PARD3B: variants seen among roughly 807,000 people sequenced by gnomAD.
PARD3B encodes the protein partitioning defective 3 homolog B.
A neutral mutation model predicts 130.2 loss-of-function variants in PARD3B; 103 were observed. The ratio of observed to expected loss-of-function variants is 0.79; its 90% CI spans 0.67 to 0.93. PARD3B has a LOEUF of 0.93. Among genes scored for constraint, PARD3B ranks in the 40% least tolerant of loss-of-function variants. The pLI, the probability that PARD3B is intolerant of heterozygous loss-of-function variation, is 0.00. For missense variants in PARD3B, 1,609 were observed against 1,499.2 expected, an observed-to-expected ratio of 1.07 and a Z score of -1.21; for synonymous variants, 583 against 553.2, an observed-to-expected ratio of 1.05 and a Z score of -0.76.
intron 3 of PARD3B, among the ~76,000 whole-genome samples, chr2:204,975,936 A>C (rs1212612645): frequency 6.6e-6 from 1 of 152,220 alleles, no homozygotes; most frequent in Admixed American, 6.5e-5. Flanking sequence ...TTAAAAACTT[A>C]AATTTATTTA....
At chr2:204,553,452 A>G (rs2030618812) in intron 1 of PARD3B, among the ~76,000 whole-genome samples, 1 of 151,348 alleles carries the variant, frequency 6.6e-6, no homozygotes, top group African/African-American at 2.4e-5. Context: ...TTGCACATGC[A>G]TGTTTAGCAG....
At position 205,556,998 on chromosome 2, in the gene PARD3B, C is replaced by G. The variant is rs180986536; in HGVS notation, c.3260+3595C>G. The stretch of plus-strand genomic sequence containing the variant: ...AACTCTCCACTCTTCCCATCTCAAG[C>G]CTCCATCATTCCCACCTGGCCCATC... On this transcript the variant is annotated intron_variant, in intron 22 of 22. Coordinates refer to ENST00000406610, the MANE Select transcript of PARD3B (RefSeq NM_001302769.2). Among the ~76,000 whole-genome samples, 15 of 152,296 alleles carry G rather than the reference C, an allele frequency of 9.8e-5. 3 individuals are homozygous for G. The highest frequency in any genetic ancestry group is 3.6e-4 in the African/African-American group (15 of 41,562).
At chr2:205,089,994 A>C (rs1186602672) in intron 4 of PARD3B, among the ~76,000 whole-genome samples, 1 of 152,202 alleles carries the variant, frequency 6.6e-6, no homozygotes, top group Non-Finnish European at 1.5e-5. Context: ...TCACAAGTGA[A>C]GAGGTGATTT....
intron 2 of PARD3B, among the ~76,000 whole-genome samples, chr2:204,884,841 A>G (rs2125677691): frequency 6.6e-6 from 1 of 152,286 alleles, no homozygotes; most frequent in South Asian, 2.1e-4. Context: ...ATAGTATTCC[A>G]TGGTATATAT....
At chr2:205,311,327 C>T (rs1012587490) in intron 18 of PARD3B, among the ~76,000 whole-genome samples, 43 of 152,120 alleles carry the variant, frequency 2.8e-4, no homozygotes, top group Admixed American at 2.8e-3. Context: ...CTTGCCGACA[C>T]TTATCTTTCA....
intron 11 of PARD3B, among the ~76,000 whole-genome samples, chr2:205,167,819 T>G (rs2034904922): frequency 6.6e-6 from 1 of 152,242 alleles, no homozygotes; most frequent in South Asian, 2.1e-4. Flanking sequence ...AGCCTTCATC[T>G]TTACATCTCC....
intron 21 of PARD3B, among the ~76,000 whole-genome samples, chr2:205,503,980 G>A (rs112908358): frequency 0.034 from 5,197 of 152,200 alleles, 176 homozygotes; most frequent in South Asian, 0.13. Flanking sequence ...CTGTTTGTCT[G>A]TTATTGGTGT....
intron 2 of PARD3B, among the ~76,000 whole-genome samples, chr2:204,829,651 C>T (rs928054888): frequency 6.6e-6 from 1 of 152,098 alleles, no homozygotes; most frequent in African/African-American, 2.4e-5. Flanking sequence ...GTGGATTTCT[C>T]CCTTGCTGTT....
chr2:205,094,714 G>A (rs761187540), intron 4 of PARD3B, among the ~76,000 whole-genome samples: 1 of 152,146 alleles, frequency 6.6e-6, no homozygotes, highest in African/African-American at 2.4e-5. Context: ...TGAAATGCCT[G>A]TGCAAAAATA....
At chr2:205,243,220 C>T (rs548817340) in intron 15 of PARD3B, among the ~76,000 whole-genome samples, 1 of 152,066 alleles carries the variant, frequency 6.6e-6, no homozygotes, top group East Asian at 1.9e-4. Flanking sequence ...ATTCAACCCA[C>T]ATCTGTCTGA....
chr2:204,568,954 G>GAAAAAAAACA (rs368465299), intron 1 of PARD3B, among the ~76,000 whole-genome samples: 1 of 143,342 alleles, frequency 7.0e-6, no homozygotes, highest in African/African-American at 2.7e-5. Context: ...GACTGTCTCA[G>GAAAAAAAACA]GAAAAAAAAA....
At chr2:205,282,429 G>A (rs892581961) in intron 16 of PARD3B, among the ~76,000 whole-genome samples, 4 of 150,452 alleles carry the variant, frequency 2.7e-5, no homozygotes, top group African/African-American at 9.7e-5. Flanking sequence ...CTTAATATTT[G>A]TCTCCTCTTC....
rs58267787 is a variant in PARD3B, at chr2:205,178,143, T to TAAAAAAAAAAAAAAA, written c.1924+1587_1924+1601dup. Among the ~76,000 whole-genome samples the TAAAAAAAAAAAAAAA allele has an allele frequency of 6.3e-4, 13 of 20,786 alleles. 1 individual carries two copies. The highest frequency in any genetic ancestry group is 2.2e-3 in the African/African-American group (11 of 4,966). 13.6% of individuals were successfully genotyped at this position (20,786 alleles called of 152,430 possible). A position where few individuals can be genotyped will look rare whatever the true frequency, so the allele number is the denominator to read the frequency against. ...CAACATGGCAAAATCCCATCTGTAC[T>TAAAAAAAAAAAAAAA]AAAAAAAAAAAAAAAAAAAAAAAAA... On this transcript the variant is annotated intron_variant, in intron 13 of 22. Transcript: ENST00000406610.
intron 2 of PARD3B, among the ~76,000 whole-genome samples, chr2:204,764,743 T>TGTGTGTGTGTGTGTGTGTGTG (rs1559126865): frequency 6.6e-6 from 1 of 151,116 alleles, no homozygotes; most frequent in African/African-American, 2.4e-5. Context: ...TGTGTGTGTG[T>TGTGTGTGTGTGTGTGTGTGTG]AGTTAATTTT....
rs2039332940 is a variant in PARD3B at position 205,241,098 on chromosome 2, C to CT, written c.2141-4680_2141-4679insT. On this transcript the variant is annotated intron_variant, in intron 15 of 22. Coordinates refer to ENST00000406610, the MANE Select transcript of PARD3B (RefSeq NM_001302769.2). This position sits in a 1 kb window ranked among gnomAD's most constrained non-coding sequence, Gnocchi z 4.2. The stretch of plus-strand genomic sequence containing the variant: ...TTAAAAAGATGCCATTGATGCTGGG[C>CT]AGTTCTAATTAGCTTCAAAGGCTTA... Among the ~76,000 whole-genome samples the CT allele has an allele frequency of 2.0e-5, 3 of 152,124 alleles. No individual in the cohort carries two copies. Among genetic ancestry groups the CT allele is most frequent in the African/African-American group, 7.2e-5 (3 of 41,450 alleles).
At chr2:205,512,311 A>G (rs1366474535) in intron 21 of PARD3B, among the ~76,000 whole-genome samples, 2 of 152,330 alleles carry the variant, frequency 1.3e-5, no homozygotes, top group African/African-American at 4.8e-5. Flanking sequence ...GCTAACAGGA[A>G]AACTTCCCAT....
At chr2:205,414,206 C>T (rs934967045) in intron 19 of PARD3B, among the ~76,000 whole-genome samples, 2 of 152,160 alleles carry the variant, frequency 1.3e-5, no homozygotes, top group African/African-American at 4.8e-5. Context: ...ATTAGGAGTC[C>T]ATATCATAAT....
chr2:205,527,144 A>G (rs566631429), intron 21 of PARD3B, among the ~76,000 whole-genome samples: 1 of 152,176 alleles, frequency 6.6e-6, no homozygotes, highest in African/African-American at 2.4e-5. Flanking sequence ...TTCATTTCTT[A>G]TTGTTAAATA....
intron 18 of PARD3B, among the ~76,000 whole-genome samples, chr2:205,374,431 C>T (rs1160346507): frequency 2.0e-5 from 3 of 152,020 alleles, no homozygotes; most frequent in African/African-American, 7.3e-5. Context: ...GAAACGGTTT[C>T]GCCATGTTGG....
Sources: gnomAD v4.1 joint callset for allele counts (sites outside exome capture counted in the v4.1 genomes callset) on GRCh38, gnomAD v4.1.1 for gene constraint, Gnocchi (gnomAD v3.1) non-coding constraint, MANE v1.5 for transcripts, NCBI Gene and HGNC (gene_info 2026-07-23, HGNC 2026-07-21) for gene names.